STAU1: variants seen among roughly 807,000 people sequenced by gnomAD.
STAU1 encodes staufen double-stranded RNA binding protein 1.
A neutral mutation model predicts 62.9 loss-of-function variants in STAU1; 13 were observed. That is an observed-to-expected ratio of 0.21 (90% CI 0.13 to 0.33). STAU1 has a LOEUF of 0.33. STAU1 is among the 10% of genes least tolerant of loss of function. STAU1 has a pLI of 1.00. For synonymous variants in STAU1, 269 were observed against 265.1 expected (o/e 1.01, Z -0.14); for missense variants, 571 against 712.1 (o/e 0.80, Z 2.25).
At chr20:49,207,957 T>C in the STAU1 span, among the ~76,000 whole-genome samples, 1 of 152,140 alleles carries the variant, frequency 6.6e-6, no homozygotes, top group South Asian at 2.1e-4. Flanking sequence ...CTCGGCTCAC[T>C]GTAACCGCTG....
upstream of STAU1, among the ~76,000 whole-genome samples, chr20:49,193,151 C>T (rs1038079174): frequency 6.6e-6 from 1 of 151,748 alleles, no homozygotes; most frequent in African/African-American, 2.4e-5. Flanking sequence ...CCAAGGTGGG[C>T]GGATCACTTG....
intron 2 of STAU1, among the ~76,000 whole-genome samples, chr20:49,173,443 C>T (rs1052762966): frequency 6.6e-6 from 1 of 152,174 alleles, no homozygotes; most frequent in Non-Finnish European, 1.5e-5. Flanking sequence ...AAGAGCGAAA[C>T]TCCGTTTCAG....
At chr20:49,202,040 G>T in the STAU1 span, among the ~76,000 whole-genome samples, 3 of 151,616 alleles carry the variant, frequency 2.0e-5, no homozygotes, top group East Asian at 5.9e-4. Flanking sequence ...CTAACACGGT[G>T]AAACCCCGTC....
intron 3 of STAU1, 83 bp from the exon 4 acceptor site, chr20:49,154,154 C>G: frequency 7.2e-7 from 1 of 1,381,312 alleles, no homozygotes. Flanking sequence ...AGCATGCTTT[C>G]TGCTAATTGG....
chr20:49,114,566 T>TG lies in STAU1; in HGVS notation c.*311dup, dbSNP rs2092266165. Reference sequence around the variant, plus strand: ...GGAAAAAAAAGACCAAACACGGAGGTGCCCAGGGTGTGGATCTGCTGGTGT... The same window carrying TG: ...GGAAAAAAAAGACCAAACACGGAGGTGGCCCAGGGTGTGGATCTGCTGGTGT... On this transcript the variant is annotated 3_prime_UTR_variant, in exon 14 of 14. Transcript: ENST00000371856. 2.6e-6 allele frequency: 1 copy of TG among 378,582 alleles called. No homozygotes were observed. Among genetic ancestry groups the TG allele is most frequent in the Admixed American group, 4.1e-5 (1 of 24,120 alleles). 23.5% of individuals were successfully genotyped at this position (378,582 alleles called of 1,614,324 possible).
chr20:49,168,559 A>G (rs1470658531), intron 2 of STAU1, among the ~76,000 whole-genome samples: 4 of 152,210 alleles, frequency 2.6e-5, no homozygotes, highest in South Asian at 2.1e-4. Context: ...AACTCTCCAA[A>G]TAAGACTAGG....
intron 8 of STAU1, among the ~76,000 whole-genome samples, chr20:49,120,344 T>C (rs2145847218): frequency 6.6e-6 from 1 of 152,346 alleles, no homozygotes; most frequent in Non-Finnish European, 1.5e-5. Context: ...CATTTAATTA[T>C]ATAAGCTGAT....
intron 3 of STAU1, among the ~76,000 whole-genome samples, chr20:49,158,108 C>T (rs890440438): frequency 6.6e-6 from 1 of 151,466 alleles, no homozygotes; most frequent in African/African-American, 2.4e-5. Context: ...ATGGTGAGAC[C>T]CTGCCTCTAC....
chr20:49,200,395 G>A, the STAU1 span, among the ~76,000 whole-genome samples: 16 of 152,046 alleles, frequency 1.1e-4, no homozygotes, highest in African/African-American at 3.1e-4. Context: ...TCAGGAAATC[G>A]AGACCATCCT....
chr20:49,130,759 T>G (rs191074470), intron 6 of STAU1, among the ~76,000 whole-genome samples: 1 of 151,768 alleles, frequency 6.6e-6, no homozygotes, highest in Non-Finnish European at 1.5e-5. Flanking sequence ...CCCTGAGGGG[T>G]GGGTGTGGTG....
At chr20:49,171,974 C>CA (rs1464275321) in intron 2 of STAU1, among the ~76,000 whole-genome samples, 2 of 147,668 alleles carry the variant, frequency 1.4e-5, no homozygotes, top group African/African-American at 2.5e-5. Flanking sequence ...AAGACAAAGA[C>CA]AGAGATTAGC....
chr20:49,178,576 C>A (rs1284452190), intron 1 of STAU1, among the ~76,000 whole-genome samples: 1 of 151,750 alleles, frequency 6.6e-6, no homozygotes, highest in Non-Finnish European at 1.5e-5. Context: ...TGGTGAAACA[C>A]TGTCTCTACT....
chr20:49,212,270 T>C, the STAU1 span, among the ~76,000 whole-genome samples: 1 of 152,272 alleles, frequency 6.6e-6, no homozygotes, highest in Non-Finnish European at 1.5e-5. Context: ...ATTACAGGCA[T>C]GAGCCACCAT....
At chr20:49,116,237 C>A (rs567528475) in intron 12 of STAU1, among the ~76,000 whole-genome samples, 1 of 151,832 alleles carries the variant, frequency 6.6e-6, no homozygotes, top group South Asian at 2.1e-4. Context: ...TAGGCTCAAG[C>A]GATCCTTCCA....
Position 49,114,664 on chromosome 20 carries a change from C to A in STAU1, c.*214G>T, listed in dbSNP as rs545463406. On this transcript the variant is annotated 3_prime_UTR_variant, in exon 14 of 14. Transcript: ENST00000371856. Reference sequence around the variant, plus strand: ...TGCTATTGCGTAGGGACCGCCAGGTCACCGAGTGGCCATCACAACAAACCC... The same window carrying A: ...TGCTATTGCGTAGGGACCGCCAGGTAACCGAGTGGCCATCACAACAAACCC... The A allele has an allele frequency of 2.3e-5, 12 of 526,988 alleles. No homozygotes were observed. Among genetic ancestry groups the A allele is most frequent in the African/African-American group, 1.5e-4 (8 of 52,638 alleles). The allele number at this position is 526,988 out of a possible 1,614,324, so 32.6% of individuals were successfully genotyped here.
intron 6 of STAU1, among the ~76,000 whole-genome samples, chr20:49,129,781 C>G (rs530051257): frequency 6.6e-6 from 1 of 151,762 alleles, no homozygotes; most frequent in East Asian, 1.9e-4. Context: ...ATTACAGGCA[C>G]ATGCCTGGCT....
chr20:49,174,028 ACTTT>A (rs1212332857), intron 2 of STAU1, among the ~76,000 whole-genome samples, 163 bp downstream of exon 2: 3 of 152,222 alleles, frequency 2.0e-5, no homozygotes, highest in Non-Finnish European at 4.4e-5. Context: ...TCCTGTACTT[ACTTT>A]CTAATTAAAT....
intron 2 of STAU1, among the ~76,000 whole-genome samples, chr20:49,169,287 T>C (rs1347186394): frequency 6.6e-6 from 1 of 152,032 alleles, no homozygotes; most frequent in Non-Finnish European, 1.5e-5. Flanking sequence ...GATGCTCCTC[T>C]CCCAAAGAGA....
chr20:49,195,903 A>AAAAAAAAAAAAAGAAAG, the STAU1 span, among the ~76,000 whole-genome samples: 1 of 94,480 alleles, frequency 1.1e-5, no homozygotes, highest in Non-Finnish European at 2.3e-5. Flanking sequence ...CCTCTCAAAA[A>AAAAAAAAAAAAAGAAAG]AAAAAAAAAA....
Sources: gnomAD v4.1 joint callset for allele counts (sites outside exome capture counted in the v4.1 genomes callset) on GRCh38, gnomAD v4.1.1 for gene constraint, MANE v1.5 for transcripts, NCBI Gene and HGNC (gene_info 2026-07-23, HGNC 2026-07-21) for gene names.